Variants in HMGB1 observed in about 807,000 individuals in gnomAD.
The protein encoded by HMGB1 is high mobility group protein B1.
For missense variants in HMGB1, 79 were observed against 253.5 expected (o/e 0.31, Z 4.67); for synonymous variants, 81 against 84.0 (o/e 0.96, Z 0.19).
intron 1 of HMGB1, among the ~76,000 whole-genome samples, chr13:30,557,851 G>A (rs188749656): frequency 1.3e-5 from 2 of 152,174 alleles, no homozygotes; most frequent in African/African-American, 4.8e-5. Flanking sequence ...AGAAGAGAGC[G>A]AGACAGGGCA....
chr13:30,562,262 A>G (rs1869990729), intron 1 of HMGB1, among the ~76,000 whole-genome samples: 1 of 149,302 alleles, frequency 6.7e-6, no homozygotes, highest in Admixed American at 6.8e-5. Context: ...GCACCACTGT[A>G]CTCCAGCCTG....
At chr13:30,558,868 A>T (rs1593311704) in intron 1 of HMGB1, among the ~76,000 whole-genome samples, 2 of 152,268 alleles carry the variant, frequency 1.3e-5, no homozygotes, top group East Asian at 3.9e-4. Context: ...CCGAGAAATG[A>T]GTTTTTCACA....
chr13:30,492,398 A>T (rs1887517183), intron 1 of HMGB1, among the ~76,000 whole-genome samples: 1 of 152,188 alleles, frequency 6.6e-6, no homozygotes, highest in Non-Finnish European at 1.5e-5. Flanking sequence ...TGCAATACAT[A>T]TAATGGACTG....
intron 1 of HMGB1, among the ~76,000 whole-genome samples, chr13:30,538,649 TTC>T (rs1491346853): frequency 2.7e-5 from 2 of 72,802 alleles, no homozygotes; most frequent in Non-Finnish European, 2.4e-5. Flanking sequence ...CTTCCTTTCT[TTC>T]TTTCTTTCTT....
chr13:30,467,935 G>A (rs1886837507), upstream of HMGB1, among the ~76,000 whole-genome samples: 2 of 152,252 alleles, frequency 1.3e-5, no homozygotes, highest in Admixed American at 1.3e-4. Context: ...CCCACACAAG[G>A]TTTCTATTTT....
chr13:30,565,578 T>C (rs1418029056), intron 1 of HMGB1, among the ~76,000 whole-genome samples: 5 of 152,212 alleles, frequency 3.3e-5, no homozygotes, highest in African/African-American at 7.2e-5. Context: ...GCTTGTCAAT[T>C]TTTAACGCAT....
At chr13:30,598,901 A>T (rs962623911) in intron 1 of HMGB1, among the ~76,000 whole-genome samples, 1 of 151,438 alleles carries the variant, frequency 6.6e-6, no homozygotes, top group Non-Finnish European at 1.5e-5. Context: ...GTACACACGT[A>T]TATGTATATA....
upstream of HMGB1, among the ~76,000 whole-genome samples, chr13:30,467,964 G>A (rs530169834): frequency 1.3e-5 from 2 of 152,336 alleles, no homozygotes; most frequent in Admixed American, 1.3e-4. Context: ...GATATGGTGA[G>A]TAATAGGCAC....
chr13:30,558,832 C>T (rs1377437360), intron 1 of HMGB1, among the ~76,000 whole-genome samples: 4 of 152,192 alleles, frequency 2.6e-5, no homozygotes, highest in African/African-American at 9.7e-5. Flanking sequence ...CCCAGACCCA[C>T]TGAATCAGAA....
At chr13:30,589,993 G>GGA (rs761804339) in intron 1 of HMGB1, among the ~76,000 whole-genome samples, 2 of 152,070 alleles carry the variant, frequency 1.3e-5, no homozygotes, top group African/African-American at 2.4e-5. Flanking sequence ...AGATAAGAAA[G>GGA]GAGAGAGAGA....
At chr13:30,495,709 A>G (rs1887596109) in intron 1 of HMGB1, among the ~76,000 whole-genome samples, 1 of 151,988 alleles carries the variant, frequency 6.6e-6, no homozygotes, top group Non-Finnish European at 1.5e-5. Context: ...CGATCTCCTG[A>G]CCCTGTGATC....
chr13:30,463,519 A>T lies in HMGB1; in HGVS notation c.150+12T>A. The T allele has an allele frequency of 6.2e-7, 1 of 1,606,604 alleles. No homozygotes were observed. On this transcript the variant is annotated intron_variant, in intron 2 of 4. Coordinates refer to ENST00000341423, the MANE Select transcript of HMGB1 (RefSeq NM_002128.7). ...TTTAATTACCTTGTTAGCATGTTTT[A>T]AGCCCTCTTACCTTCCACCTCTCTG...
intron 1 of HMGB1, among the ~76,000 whole-genome samples, chr13:30,588,609 T>G (rs1871250086): frequency 6.6e-6 from 1 of 152,132 alleles, no homozygotes; most frequent in Admixed American, 6.5e-5. Context: ...ATGAAAGCAT[T>G]AGAAATAGAA....
intron 1 of HMGB1, among the ~76,000 whole-genome samples, chr13:30,507,764 T>C (rs959816561): frequency 3.3e-5 from 5 of 152,146 alleles, no homozygotes; most frequent in Admixed American, 2.0e-4. Flanking sequence ...GAGGCTGAAG[T>C]GGGAAGAACA....
rs142565306 is a variant in HMGB1 at position 30,576,560 on chromosome 13, C to T, written c.-15+40111G>A. Among the ~76,000 whole-genome samples the T allele has an allele frequency of 2.9e-3, 441 of 151,744 alleles. 3 individuals carry two copies. Among genetic ancestry groups the T allele is most frequent in the Non-Finnish European group, 4.0e-3 (271 of 67,970 alleles). ...GTCTCCCTTTGCTTTCTTCTGCTTG[C>T]CTCGTAAATATTTTTCCATCTTGGC... On this transcript the variant is annotated intron_variant, in intron 1 of 4. Coordinates refer to the HMGB1 transcript ENST00000405805.
upstream of HMGB1, among the ~76,000 whole-genome samples, chr13:30,468,095 G>A (rs996282219): frequency 2.0e-5 from 3 of 152,138 alleles, no homozygotes; most frequent in Non-Finnish European, 4.4e-5. Context: ...GGGGACCACA[G>A]GGTTGTAAAG....
intron 1 of HMGB1, among the ~76,000 whole-genome samples, chr13:30,474,963 T>TTTTTTTG (rs1887044774): frequency 6.2e-5 from 2 of 32,456 alleles, no homozygotes; most frequent in African/African-American, 1.8e-4. Context: ...TTTTTTGTTT[T>TTTTTTTG]TTTTTTTTTT....
intron 4 of HMGB1, chr13:30,461,752 A>T: frequency 1.6e-6 from 2 of 1,238,222 alleles, no homozygotes; most frequent in Non-Finnish European, 2.3e-6. Context: ...GAAATGGCAT[A>T]GTCTAATATT....
At chr13:30,565,429 C>T (rs934162449) in intron 1 of HMGB1, among the ~76,000 whole-genome samples, 1 of 152,138 alleles carries the variant, frequency 6.6e-6, no homozygotes, top group Non-Finnish European at 1.5e-5. Context: ...TACTCAGGGG[C>T]ATAGATTGTC....
Sources: gnomAD v4.1 joint callset for allele counts (sites outside exome capture counted in the v4.1 genomes callset) on GRCh38, gnomAD v4.1.1 for gene constraint, MANE v1.5 for transcripts, NCBI Gene and HGNC (gene_info 2026-07-23, HGNC 2026-07-21) for gene names.